Variants in CAST observed in about 807,000 individuals in gnomAD.
The protein encoded by CAST is MIR583 host.
Under a neutral mutation model 119.6 loss-of-function variants are expected in CAST, and 76 were observed. The observed-to-expected ratio is 0.64, with a 90% CI of 0.53 to 0.77. CAST has a LOEUF of 0.77. Among genes scored for constraint, CAST ranks in the 30% least tolerant of loss-of-function variants. The pLI, the probability that CAST is intolerant of heterozygous loss-of-function variation, is 0.00. For synonymous variants in CAST, 319 were observed against 331.6 expected (o/e 0.96, Z 0.41); for missense variants, 953 against 946.5 (o/e 1.01, Z -0.09).
chr5:96,446,671 A>C, the CAST span, among the ~76,000 whole-genome samples: 1 of 152,212 alleles, frequency 6.6e-6, no homozygotes, highest in Non-Finnish European at 1.5e-5. Context: ...ATTGATATTC[A>C]AGATCCAGTT....
chr5:96,762,689 T>C (rs1320550414), intron 25 of CAST: 4 of 312,162 alleles, frequency 1.3e-5, no homozygotes, highest in Non-Finnish European at 1.7e-5. Context: ...AAAAGTTCTT[T>C]AGCTTTCCTG....
intron 1 of CAST, among the ~76,000 whole-genome samples, chr5:96,612,643 GT>G (rs1198814940): frequency 2.6e-5 from 4 of 152,030 alleles, no homozygotes; most frequent in Admixed American, 2.6e-4. Context: ...AAATAAATAC[GT>G]TTTAATCTAA....
chr5:96,666,942 A>AT (rs1749418933), intron 1 of CAST, among the ~76,000 whole-genome samples: 2 of 152,122 alleles, frequency 1.3e-5, no homozygotes, highest in Admixed American at 6.5e-5. Context: ...CCCTTGAGGT[A>AT]TTTTTAAGAT....
At chr5:96,624,408 C>G (rs1202141206) in intron 1 of CAST, among the ~76,000 whole-genome samples, 2 of 152,140 alleles carry the variant, frequency 1.3e-5, no homozygotes, top group East Asian at 3.8e-4. Context: ...ACTAACATGT[C>G]CAGTTTGTTT....
At chr5:96,089,974 T>C in the CAST span, among the ~76,000 whole-genome samples, 1 of 152,212 alleles carries the variant, frequency 6.6e-6, no homozygotes, top group Non-Finnish European at 1.5e-5. Flanking sequence ...CCCCCACTAA[T>C]TAGCTGTGTG....
At chr5:96,252,096 A>G in the CAST span, among the ~76,000 whole-genome samples, 1 of 152,152 alleles carries the variant, frequency 6.6e-6, no homozygotes, top group Non-Finnish European at 1.5e-5. Flanking sequence ...TAACTCTGGC[A>G]GAATTTTATC....
At chr5:96,620,653 C>CATA (rs1747585718) in intron 1 of CAST, among the ~76,000 whole-genome samples, 1 of 152,130 alleles carries the variant, frequency 6.6e-6, no homozygotes, top group African/African-American at 2.4e-5. Flanking sequence ...TTTATCAAGA[C>CATA]ATAACCTCAT....
intron 1 of CAST, among the ~76,000 whole-genome samples, chr5:96,532,553 A>C (rs531686094): frequency 2.0e-5 from 3 of 152,292 alleles, no homozygotes; most frequent in Non-Finnish European, 2.9e-5. Context: ...TGTCCATACA[A>C]AAAATTTAAA....
chr5:96,156,125 CAT>C, the CAST span, among the ~76,000 whole-genome samples: 1 of 152,214 alleles, frequency 6.6e-6, no homozygotes, highest in Non-Finnish European at 1.5e-5. Context: ...TCATTACTGA[CAT>C]ATTAATTACA....
chr5:96,296,046 G>A, the CAST span, among the ~76,000 whole-genome samples: 2 of 152,078 alleles, frequency 1.3e-5, no homozygotes, highest in Non-Finnish European at 2.9e-5. Flanking sequence ...TATAATTAGA[G>A]AGAATATAAA....
At chr5:96,051,199 C>T in the CAST span, among the ~76,000 whole-genome samples, 8 of 151,050 alleles carry the variant, frequency 5.3e-5, no homozygotes, top group South Asian at 4.2e-4. Context: ...TTCATTCAGG[C>T]GTGTGTGTGT....
the CAST span, among the ~76,000 whole-genome samples, chr5:96,506,767 C>A: frequency 6.6e-6 from 1 of 152,168 alleles, no homozygotes; most frequent in Non-Finnish European, 1.5e-5. Flanking sequence ...GCTTCCTGGG[C>A]TAGGAATGCA....
intron 11 of CAST, 34 bp downstream of exon 11, chr5:96,737,981 T>C (rs377317382): frequency 3.2e-6 from 4 of 1,239,026 alleles, no homozygotes; most frequent in Non-Finnish European, 4.8e-6. Context: ...AAATTCATAC[T>C]CAGTGGGTAG....
chr5:96,462,979 G>C, the CAST span, among the ~76,000 whole-genome samples: 2 of 152,024 alleles, frequency 1.3e-5, no homozygotes, highest in African/African-American at 2.4e-5. Flanking sequence ...GAAACTGTGA[G>C]TCAATTAAAC....
the CAST span, chr5:96,215,433 C>G: frequency 1.3e-5 from 2 of 151,922 alleles, no homozygotes; most frequent in African/African-American, 4.8e-5. Context: ...AGAAGAGAGG[C>G]CTTCTTTTAC....
the CAST span, among the ~76,000 whole-genome samples, chr5:96,510,056 T>C: frequency 1.3e-5 from 2 of 152,192 alleles, no homozygotes; most frequent in Non-Finnish European, 2.9e-5. Context: ...CAATATACTA[T>C]TGAATTTTTT....
At chr5:96,270,564 G>A in the CAST span, among the ~76,000 whole-genome samples, 2 of 152,182 alleles carry the variant, frequency 1.3e-5, no homozygotes, top group Non-Finnish European at 2.9e-5. Context: ...CGGGGACATG[G>A]ATGGAGTTGG....
In CAST at chr5:96,729,632, G is replaced by A; in HGVS notation, c.456G>A (p.Gln152=). The A allele has an allele frequency of 1.3e-6, 2 of 1,575,152 alleles. No individual in the cohort carries two copies. The highest frequency in any genetic ancestry group is 1.3e-5 in the African/African-American group (1 of 74,126). The part of the protein sequence containing the change: ...EHTEPKSLPK[Q]ASDTGSNDAH... The stretch of plus-strand genomic sequence containing the variant: ...TTCAGCCAAAAAGCCTACCCAAGCA[G>A]GCATCAGATACAGGAAGTAACGATG... The change falls in exon 8 of 32, where the codon CAG becomes CAA. Residue 152 remains glutamine, a synonymous_variant. Transcript: ENST00000675179.
the CAST span, among the ~76,000 whole-genome samples, chr5:96,118,140 G>T: frequency 6.6e-6 from 1 of 152,152 alleles, no homozygotes; most frequent in African/African-American, 2.4e-5. Flanking sequence ...ATGTTTGGAA[G>T]GTCCAAGTTC....
Sources: gnomAD v4.1 joint callset for allele counts (sites outside exome capture counted in the v4.1 genomes callset) on GRCh38, gnomAD v4.1.1 for gene constraint, MANE v1.5 for transcripts, NCBI Gene and HGNC (gene_info 2026-07-23, HGNC 2026-07-21) for gene names.